Variants in OR8D1 observed in about 807,000 individuals in gnomAD.
OR8D1 encodes olfactory receptor family 8 subfamily D member 1.
For synonymous variants in OR8D1, 143 were observed against 147.0 expected (o/e 0.97, Z 0.20); for missense variants, 384 against 366.8 (o/e 1.05, Z -0.38).
chr11:124,303,750 C>G lies in OR8D1; in HGVS notation c.*6090G>C, dbSNP rs1335991843. On this transcript the variant is annotated 3_prime_UTR_variant, in exon 3 of 3. Transcript: ENST00000641015. ...TGTTTTCTTATTTTTATATTATAATCATTTCAAAATAATTACATATAGCAA... is the reference window on the plus strand; with the variant it reads ...TGTTTTCTTATTTTTATATTATAATGATTTCAAAATAATTACATATAGCAA... The G allele has an allele frequency of 6.6e-6, 1 of 151,716 alleles. No individual in the cohort carries two copies. The highest frequency in any genetic ancestry group is 2.4e-5 in the African/African-American group (1 of 41,324). The allele number at this position is 151,716 out of a possible 1,614,324, so 9.4% of individuals were successfully genotyped here.
chr11:124,309,886 T>C lies in OR8D1; in HGVS notation c.881A>G (p.Asn294Ser). ...CCTTAATGCTTTCTTCACATCCTTA[T>C]TCCTCAGACTGTATATTAAAGGGTT... ...MLNPLIYSLR[N>S]KDVKKALRKV... The change falls in exon 3 of 3, where the codon AAT (asparagine) becomes AGT (serine). Residue 294 changes from asparagine to serine, a missense_variant. Physicochemically the swap from Asn to Ser is conservative, Grantham distance 46. Coordinates refer to ENST00000641015, the MANE Select transcript of OR8D1 (RefSeq NM_001002917.2). 6.7e-7 allele frequency: 1 copy of C among 1,497,366 alleles called. No homozygotes were observed. Among genetic ancestry groups the C allele is most frequent in the Non-Finnish European group, 8.9e-7 (1 of 1,123,038 alleles). 92.8% of individuals were successfully genotyped at this position (1,497,366 alleles called of 1,614,324 possible).
chr11:124,303,207 G>C lies in OR8D1; in HGVS notation c.*6633C>G, dbSNP rs947008836. On this transcript the variant is annotated 3_prime_UTR_variant, in exon 3 of 3. Coordinates refer to ENST00000641015, the MANE Select transcript of OR8D1 (RefSeq NM_001002917.2). ...CACATGGCGGGAGGTGTGAGACAGA[G>C]CAGGAAAAACTACCATTTATAAAAC... The C allele has an allele frequency of 1.3e-5, 2 of 152,064 alleles. No homozygotes were observed. Among genetic ancestry groups the C allele is most frequent in the African/African-American group, 4.8e-5 (2 of 41,424 alleles). The allele number at this position is 152,064 out of a possible 1,614,324, so 9.4% of individuals were successfully genotyped here. A position where few individuals can be genotyped will look rare whatever the true frequency, so the allele number is the denominator to read the frequency against.
chr11:124,312,298 G>C (rs890185229), intron 1 of OR8D1, among the ~76,000 whole-genome samples: 7 of 152,058 alleles, frequency 4.6e-5, no homozygotes, highest in Non-Finnish European at 1.5e-5. Context: ...TAAACATTTG[G>C]TGCTGGTTAG....
rs1300893009 is a variant in OR8D1 at position 124,304,559 on chromosome 11, A to G, written c.*5281T>C. The stretch of plus-strand genomic sequence containing the variant: ...CACTACAACATGTAAAATTTGAGAG[A>G]TGCCATTTCTCTGAATCCTCTCCAA... On this transcript the variant is annotated 3_prime_UTR_variant, in exon 3 of 3. Coordinates refer to ENST00000641015, the MANE Select transcript of OR8D1 (RefSeq NM_001002917.2). 1 of 151,936 alleles carries G rather than the reference A, an allele frequency of 6.6e-6. No individual in the cohort carries two copies. The highest frequency in any genetic ancestry group is 1.9e-4 in the East Asian group (1 of 5,176). The allele number at this position is 151,936 out of a possible 1,614,324, so 9.4% of individuals were successfully genotyped here.
Position 124,308,420 on chromosome 11 carries a change from A to G in OR8D1, c.*1420T>C, listed in dbSNP as rs550143207. The G allele has an allele frequency of 2.6e-5, 4 of 152,236 alleles. No individual in the cohort carries two copies. The highest frequency in any genetic ancestry group is 6.8e-3 in the Middle Eastern group (2 of 294). 9.4% of individuals were successfully genotyped at this position (152,236 alleles called of 1,614,324 possible). A position where few individuals can be genotyped will look rare whatever the true frequency, so the allele number is the denominator to read the frequency against. ...TCTGAGAAACTCTAAGATAACATTA[A>G]AAAATATTAGAGCAAGGCATACAGA... On this transcript the variant is annotated 3_prime_UTR_variant, in exon 3 of 3. Coordinates refer to ENST00000641015, the MANE Select transcript of OR8D1 (RefSeq NM_001002917.2).
At position 124,313,768 on chromosome 11, in the gene OR8D1, T is replaced by A. The variant is rs1011802141; in HGVS notation, c.-169A>T. 6.6e-6 allele frequency: 1 copy of A among 152,236 alleles called. No individual in the cohort carries two copies. Among genetic ancestry groups the A allele is most frequent in the Non-Finnish European group, 1.5e-5 (1 of 68,046 alleles). The allele number at this position is 152,236 out of a possible 1,614,324, so 9.4% of individuals were successfully genotyped here. A position where few individuals can be genotyped will look rare whatever the true frequency, so the allele number is the denominator to read the frequency against. ...ATTTCTTAGGAATTGTTCACTTTGC[T>A]CAGGTCGCAGATCCCTGTAATAGCC... On this transcript the variant is annotated 5_prime_UTR_variant, in exon 1 of 3. Transcript: ENST00000641015.
chr11:124,311,395 AG>A (rs1198560373), intron 2 of OR8D1, among the ~76,000 whole-genome samples, 176 bp downstream of exon 2: 1 of 152,140 alleles, frequency 6.6e-6, no homozygotes, highest in Non-Finnish European at 1.5e-5. Context: ...GGGAGGCAAA[AG>A]CTTCATCATT....
In OR8D1 at chr11:124,306,384, T is replaced by C. The variant is rs1862369083; in HGVS notation, c.*3456A>G. The C allele has an allele frequency of 6.7e-6, 1 of 148,556 alleles. No homozygotes were observed. The highest frequency in any genetic ancestry group is 1.5e-5 in the Non-Finnish European group (1 of 67,238). 9.2% of individuals were successfully genotyped at this position (148,556 alleles called of 1,614,324 possible). A position where few individuals can be genotyped will look rare whatever the true frequency, so the allele number is the denominator to read the frequency against. Reference sequence around the variant, plus strand: ...CCAAGTTTAATAGCTACTATATATATATAATGAATATTATATATATAATAT... The same window carrying C: ...CCAAGTTTAATAGCTACTATATATACATAATGAATATTATATATATAATAT... On this transcript the variant is annotated 3_prime_UTR_variant, in exon 3 of 3. Coordinates refer to ENST00000641015, the MANE Select transcript of OR8D1 (RefSeq NM_001002917.2).
rs1000232883 is a variant in OR8D1 at position 124,306,049 on chromosome 11, A to T, written c.*3791T>A. 3.9e-5 allele frequency: 6 copies of T among 151,968 alleles called. No individual in the cohort carries two copies. The highest frequency in any genetic ancestry group is 5.9e-5 in the Non-Finnish European group (4 of 67,896). The allele number at this position is 151,968 out of a possible 1,614,324, so 9.4% of individuals were successfully genotyped here. On this transcript the variant is annotated 3_prime_UTR_variant, in exon 3 of 3. Coordinates refer to ENST00000641015, the MANE Select transcript of OR8D1 (RefSeq NM_001002917.2). ...TTACTCAAACCTATAACTTTGAAGA[A>T]CATTTAACTCAATTCATTATTTTGT... is the stretch of plus-strand genomic sequence containing the variant.
chr11:124,307,052 G>A lies in OR8D1; in HGVS notation c.*2788C>T, dbSNP rs1862374542. 1.3e-5 allele frequency: 2 copies of A among 151,996 alleles called. No individual in the cohort carries two copies. The highest frequency in any genetic ancestry group is 1.3e-4 in the Admixed American group (2 of 15,234). The allele number at this position is 151,996 out of a possible 1,614,324, so 9.4% of individuals were successfully genotyped here. On this transcript the variant is annotated 3_prime_UTR_variant, in exon 3 of 3. Coordinates refer to ENST00000641015, the MANE Select transcript of OR8D1 (RefSeq NM_001002917.2). ...CTACAGGGATCCAGCATTTTCTATGGTTCAAGTGGCAATTTTGTCTAATGC... is the reference window on the plus strand; with the variant it reads ...CTACAGGGATCCAGCATTTTCTATGATTCAAGTGGCAATTTTGTCTAATGC...
Position 124,305,904 on chromosome 11 carries a change from A to G in OR8D1, c.*3936T>C, listed in dbSNP as rs1051078731. The G allele has an allele frequency of 6.6e-6, 1 of 151,934 alleles. No homozygotes were observed. The highest frequency in any genetic ancestry group is 1.5e-5 in the Non-Finnish European group (1 of 67,884). 9.4% of individuals were successfully genotyped at this position (151,934 alleles called of 1,614,324 possible). On this transcript the variant is annotated 3_prime_UTR_variant, in exon 3 of 3. Coordinates refer to ENST00000641015, the MANE Select transcript of OR8D1 (RefSeq NM_001002917.2). ...TTTCATTCAAGCCGTCATACATATC[A>G]GTATCATTTATCATGCCCGTCTTCT...
intron 1 of OR8D1, among the ~76,000 whole-genome samples, chr11:124,313,058 T>C (rs1203128692): frequency 1.3e-5 from 2 of 151,320 alleles, no homozygotes; most frequent in Non-Finnish European, 2.9e-5. Context: ...TCTGTAATCC[T>C]AGCTACTCGG....
chr11:124,310,689 G>A lies in OR8D1; in HGVS notation c.78C>T (p.Pro26=), dbSNP rs1324290344. The change falls in exon 3 of 3, where the codon CCC becomes CCT. Residue 26 remains proline, a synonymous_variant. Transcript: ENST00000641015. ...GLTQQAELQL[P]LFLLFLGIYV... Reference sequence around the variant, plus strand: ...AGATTCCCAGGAACAGGAGGAAGAGGGGCAGCTGGAGCTCTGCTTGCTGTG... The same window carrying A: ...AGATTCCCAGGAACAGGAGGAAGAGAGGCAGCTGGAGCTCTGCTTGCTGTG... 5 of 1,613,860 alleles carry A rather than the reference G, an allele frequency of 3.1e-6. No individual in the cohort carries two copies. Among genetic ancestry groups the A allele is most frequent in the East Asian group, 2.2e-5 (1 of 44,856 alleles).
Position 124,310,169 on chromosome 11 carries a change from A to C in OR8D1, c.598T>G (p.Phe200Val), listed in dbSNP as rs1356237247. ...AAGGTGTTAAACCCCGCAATGATAA[A>C]AAGTAGAAGCTCATTGAGGTGTGTG... is the stretch of plus-strand genomic sequence containing the variant. ...SNTHLNELLLFIIAGFNTLVP... is the reference protein window; with the variant it reads ...SNTHLNELLLVIIAGFNTLVP... Residue 200 changes from phenylalanine to valine, a missense_variant, in exon 3 of 3, where the codon TTT becomes GTT. Coordinates refer to ENST00000641015, the MANE Select transcript of OR8D1 (RefSeq NM_001002917.2). 1 of 1,613,714 alleles carries C rather than the reference A, an allele frequency of 6.2e-7. No individual in the cohort carries two copies. The highest frequency in any genetic ancestry group is 8.5e-7 in the Non-Finnish European group (1 of 1,179,884).
rs1251117592 is a variant in OR8D1, at chr11:124,306,661, T to C, written c.*3179A>G. 1.3e-5 allele frequency: 2 copies of C among 151,978 alleles called. No homozygotes were observed. Among genetic ancestry groups the C allele is most frequent in the Admixed American group, 1.3e-4 (2 of 15,224 alleles). 9.4% of individuals were successfully genotyped at this position (151,978 alleles called of 1,614,324 possible). The stretch of plus-strand genomic sequence containing the variant: ...AGAGTTACTTCGAATTTCCCAATTA[T>C]AATTTTGAATCTTCTGTATTTCTTG... On this transcript the variant is annotated 3_prime_UTR_variant, in exon 3 of 3. Transcript: ENST00000641015.
rs1254221692 is a variant in OR8D1 at position 124,306,166 on chromosome 11, G to T, written c.*3674C>A. 1 of 151,480 alleles carries T rather than the reference G, an allele frequency of 6.6e-6. No individual in the cohort carries two copies. The highest frequency in any genetic ancestry group is 2.4e-5 in the African/African-American group (1 of 41,314). 9.4% of individuals were successfully genotyped at this position (151,480 alleles called of 1,614,324 possible). A position where few individuals can be genotyped will look rare whatever the true frequency, so the allele number is the denominator to read the frequency against. ...AGAAATTGAATAACGTGGTAAAATT[G>T]TGTGGAATTATTTGGCGTATATTAT... On this transcript the variant is annotated 3_prime_UTR_variant, in exon 3 of 3. Transcript: ENST00000641015.
In OR8D1 at chr11:124,310,559, C is replaced by G. The variant is rs776001694; in HGVS notation, c.208G>C (p.Asp70His). 6.2e-6 allele frequency: 10 copies of G among 1,613,602 alleles called. No individual in the cohort carries two copies. The African/African-American group carries it at 1.3e-4, about 22-fold the overall frequency. The change falls in exon 3 of 3, where the codon GAT (aspartate) becomes CAT (histidine). Residue 70 changes from aspartate (D) to histidine (H), a missense_variant. Transcript: ENST00000641015. ...YYFLSSLSFV[D>H]FCYSSVITPK... Reference sequence around the variant, plus strand: ...GTAATGACAGAGGAATAGCAGAAATCGACGAAGGACAAGCTGCTGAGGAAA... The same window carrying G: ...GTAATGACAGAGGAATAGCAGAAATGGACGAAGGACAAGCTGCTGAGGAAA...
Position 124,310,252 on chromosome 11 carries a change from T to C in OR8D1, c.515A>G (p.His172Arg), listed in dbSNP as rs1306368032. ...AMMKLSFCKS[H>R]IINHYFCDVL... ...ATCACAGAAGTAATGGTTGATAATG[T>C]GGGATTTGCAAAAGGACAGTTTCAT... The change falls in exon 3 of 3, where the codon CAC becomes CGC. Residue 172 changes from histidine (H) to arginine (R), a missense_variant. Transcript: ENST00000641015. 5 of 1,613,768 alleles carry C rather than the reference T, an allele frequency of 3.1e-6. No homozygotes were observed. Among genetic ancestry groups the C allele is most frequent in the Non-Finnish European group, 4.2e-6 (5 of 1,179,912 alleles).
Position 124,310,700 on chromosome 11 carries a change from G to T in OR8D1, c.67C>A (p.Leu23Ile). 1 of 1,613,854 alleles carries T rather than the reference G, an allele frequency of 6.2e-7. No individual in the cohort carries two copies. The highest frequency in any genetic ancestry group is 8.5e-7 in the Non-Finnish European group (1 of 1,179,836). Residue 23 changes from leucine (L) to isoleucine (I), a missense_variant, in exon 3 of 3, where the codon CTC (leucine) becomes ATC (isoleucine). Leu to Ile is a conservative substitution (Grantham distance 5, BLOSUM62 2). Coordinates refer to ENST00000641015, the MANE Select transcript of OR8D1 (RefSeq NM_001002917.2). Reference protein sequence around the residue: ...VLDGLTQQAELQLPLFLLFLG... With the variant: ...VLDGLTQQAEIQLPLFLLFLG... The stretch of plus-strand genomic sequence containing the variant: ...AACAGGAGGAAGAGGGGCAGCTGGA[G>T]CTCTGCTTGCTGTGTTAAACCATCT...
Sources: allele counts gnomAD v4.1 joint callset (sites outside exome capture counted in the v4.1 genomes callset), GRCh38; gene constraint gnomAD v4.1.1; transcripts MANE v1.5; gene names NCBI Gene and HGNC (gene_info 2026-07-23, HGNC 2026-07-21).